Variants in ATP13A4 observed in about 807,000 individuals in gnomAD.
ATP13A4 encodes ATPase 13A4.
A neutral mutation model predicts 142.5 loss-of-function variants in ATP13A4; 114 were observed. That is an observed-to-expected ratio of 0.80 (90% CI 0.69 to 0.93). The LOEUF is 0.93. ATP13A4 is among the 40% of genes least tolerant of loss of function. ATP13A4 has a pLI of 0.00. For synonymous variants in ATP13A4, 488 were observed against 514.8 expected, an observed-to-expected ratio of 0.95 and a Z score of 0.70; for missense variants, 1,392 against 1,454.0, an observed-to-expected ratio of 0.96 and a Z score of 0.69.
At chr3:193,531,296 G>GGA (rs1658982872) in intron 1 of ATP13A4, among the ~76,000 whole-genome samples, 1 of 73,920 alleles carries the variant, frequency 1.4e-5, no homozygotes, top group African/African-American at 5.3e-5. Context: ...GGGAGGGAGG[G>GGA]AGGAAGGAAG....
chr3:193,439,169 T>C, intron 21 of ATP13A4, 104 bp from the exon 22 acceptor site: 11 of 1,215,860 alleles, frequency 9.0e-6, no homozygotes, highest in South Asian at 1.2e-5. Flanking sequence ...TCAAACTCAT[T>C]ATTTAAGGGA....
chr3:193,445,280 A>G (rs1716880617), intron 18 of ATP13A4, among the ~76,000 whole-genome samples: 1 of 151,828 alleles, frequency 6.6e-6, no homozygotes, highest in African/African-American at 2.4e-5. Context: ...TACTAAAAAT[A>G]TAAAAATTAG....
chr3:193,405,991 T>C (rs1284593364), intron 29 of ATP13A4, among the ~76,000 whole-genome samples: 1 of 152,170 alleles, frequency 6.6e-6, no homozygotes, highest in Non-Finnish European at 1.5e-5. Flanking sequence ...TTTATTAATC[T>C]GGTTGCTTTA....
At chr3:193,555,574 A>T (rs1197241156), upstream of ATP13A4, among the ~76,000 whole-genome samples, 3 of 152,254 alleles carry the variant, frequency 2.0e-5, no homozygotes, top group Admixed American at 6.5e-5. Context: ...GAAATAAAAT[A>T]TTCAAATGAC....
At chr3:193,581,672 G>C (rs1724549404) in intron 2 of ATP13A4, 2 of 152,108 alleles carry the variant, frequency 1.3e-5, no homozygotes, top group African/African-American at 4.8e-5. Flanking sequence ...TCTCAAGAGA[G>C]TGTTAGGAAG....
chr3:193,435,753 GA>G lies in ATP13A4; in HGVS notation c.2673-10del, dbSNP rs1716231878. The G allele has an allele frequency of 6.2e-7, 1 of 1,605,094 alleles. No individual in the cohort carries two copies. The highest frequency in any genetic ancestry group is 8.5e-7 in the Non-Finnish European group (1 of 1,172,124). On this transcript the variant is annotated splice_polypyrimidine_tract_variant and intron_variant, in intron 23 of 29. Transcript: ENST00000342695. ...GAGCTGCACGTCCTTCCCTGTGTAAGAAAAGAAATGATAAAGACATGAAAGT... is the reference window on the plus strand; with the variant it reads ...GAGCTGCACGTCCTTCCCTGTGTAAGAAAGAAATGATAAAGACATGAAAGT...
chr3:193,416,898 G>A (rs1008138591), intron 25 of ATP13A4: 3 of 152,086 alleles, frequency 2.0e-5, no homozygotes, highest in Admixed American at 1.3e-4. Context: ...AACCCAATGA[G>A]ATTCACATCA....
intron 7 of ATP13A4, among the ~76,000 whole-genome samples, chr3:193,485,383 GT>G (rs1719549367): frequency 2.0e-5 from 3 of 152,112 alleles, no homozygotes; most frequent in Non-Finnish European, 4.4e-5. Flanking sequence ...ATTCCTGGGG[GT>G]TTTTAGGAAT....
At chr3:193,436,692 T>A (rs949914221) in intron 23 of ATP13A4, among the ~76,000 whole-genome samples, 1 of 151,594 alleles carries the variant, frequency 6.6e-6, no homozygotes. Context: ...CCTCAAGTGA[T>A]CCACCCACCT....
In ATP13A4 at chr3:193,470,970, G is replaced by A. The variant is rs371143653; in HGVS notation, c.832C>T (p.Arg278Cys). 1.5e-5 allele frequency: 25 copies of A among 1,614,032 alleles called. No individual in the cohort carries two copies. Among genetic ancestry groups the A allele is most frequent in the African/African-American group, 1.1e-4 (8 of 74,922 alleles). Residue 278 changes from arginine to cysteine, a missense_variant, in exon 9 of 30, where the codon CGC becomes TGC. Physicochemically the swap from Arg to Cys is radical, Grantham distance 180 (BLOSUM62 -3). Coordinates refer to ENST00000342695, the MANE Select transcript of ATP13A4 (RefSeq NM_032279.4). ...RKAGVQELES[R>C]VLVPGDLLIL... ...AATAAATCTCCAGGCACCAGGACGC[G>A]TGATTCCAGCTCTTGAACTCCAGCT...
At chr3:193,433,960 T>C (rs376035799) in intron 24 of ATP13A4, 43 bp from the exon 25 acceptor site, 40 of 1,429,266 alleles carry the variant, frequency 2.8e-5, no homozygotes, top group Non-Finnish European at 3.9e-5. Context: ...TGTGACCTTC[T>C]GGATGAAATT....
chr3:193,527,256 G>A (rs1722055869), intron 1 of ATP13A4, among the ~76,000 whole-genome samples: 2 of 152,028 alleles, frequency 1.3e-5, no homozygotes, highest in Non-Finnish European at 2.9e-5. Flanking sequence ...TCATGGGGAC[G>A]GTTTCCCTTG....
chr3:193,583,141 A>AG (rs1424006079), intron 1 of ATP13A4, among the ~76,000 whole-genome samples: 1 of 151,554 alleles, frequency 6.6e-6, no homozygotes, highest in East Asian at 1.9e-4. Flanking sequence ...CTACATAAAA[A>AG]TAAAGAAGGG....
rs1553862284 is a variant in ATP13A4, at chr3:193,573,305, A to ATTCT, written n.291+8401_291+8402insAGAA. 1.3e-4 allele frequency among the ~76,000 whole-genome samples: 17 copies of ATTCT among 129,020 alleles called. 1 individual carries two copies. Among genetic ancestry groups the ATTCT allele is most frequent in the Non-Finnish European group, 2.2e-4 (14 of 64,990 alleles). The allele number at this position is 129,020 out of a possible 152,430, so 84.6% of individuals were successfully genotyped here. A position where few individuals can be genotyped will look rare whatever the true frequency, so the allele number is the denominator to read the frequency against. On this transcript the variant is annotated intron_variant and non_coding_transcript_variant, in intron 2 of 3. Transcript: ENST00000489140. ...TATATATATACACATATATATATAT[A>ATTCT]TACATATATATATATATATATAATT...
At chr3:193,502,734 G>C in intron 2 of ATP13A4, 95 bp from the exon 3 acceptor site, 1 of 1,300,856 alleles carries the variant, frequency 7.7e-7, no homozygotes, top group Non-Finnish European at 1.1e-6. Flanking sequence ...AATTCTGTAA[G>C]TGTTTGGCGT....
rs540232758 is a variant in ATP13A4, at chr3:193,400,437, T to G, written c.*2215A>C. On this transcript the variant is annotated 3_prime_UTR_variant, in exon 30 of 30. Coordinates refer to ENST00000342695, the MANE Select transcript of ATP13A4 (RefSeq NM_032279.4). ...TTTTTGTTTTGTTTTGTTTTGTTTT[T>G]AATACACCTCTAGCCCAGGCCTGGC... Among the ~76,000 whole-genome samples the G allele has an allele frequency of 2.0e-5, 3 of 152,332 alleles. No individual in the cohort carries two copies. The highest frequency in any genetic ancestry group is 3.9e-4 in the East Asian group (2 of 5,182).
At chr3:193,407,261 C>T in intron 29 of ATP13A4, 52 bp downstream of exon 29, 1 of 1,509,688 alleles carries the variant, frequency 6.6e-7, no homozygotes, top group Non-Finnish European at 9.2e-7. Context: ...AGTCCCCCTA[C>T]ACACATGCGT....
intron 25 of ATP13A4, among the ~76,000 whole-genome samples, chr3:193,418,179 A>C (rs1404452496): frequency 1.3e-4 from 14 of 111,872 alleles, no homozygotes; most frequent in African/African-American, 5.0e-4. Context: ...TAGCCAGGCG[A>C]GGTGGCGGGC....
At chr3:193,493,193 T>C in intron 3 of ATP13A4, 33 bp from the exon 4 acceptor site, 1 of 1,590,342 alleles carries the variant, frequency 6.3e-7, no homozygotes, top group Non-Finnish European at 8.6e-7. Context: ...AAACCTCTAG[T>C]TTGAGGATCA....
Sources: gnomAD v4.1 joint callset for allele counts (sites outside exome capture counted in the v4.1 genomes callset) on GRCh38, gnomAD v4.1.1 for gene constraint, MANE v1.5 for transcripts, NCBI Gene and HGNC (gene_info 2026-07-23, HGNC 2026-07-21) for gene names.